The following PTOV1 variants were observed in gnomAD, a reference collection of about 807,000 sequenced individuals.
PTOV1 encodes PTOV1 extended AT-hook containing adaptor protein, also known as prostate tumor-overexpressed gene 1 protein.
In PTOV1, 20 loss-of-function variants were observed where a neutral mutation model predicts 58.0. That is an observed-to-expected ratio of 0.34 (90% CI 0.24 to 0.50). The LOEUF (loss-of-function observed/expected upper bound fraction) is 0.50, where lower values mean the gene tolerates loss of function less well. PTOV1 is among the 20% of genes least tolerant of loss of function. PTOV1 has a pLI of 0.98. For missense variants in PTOV1, 593 were observed against 565.4 expected (o/e 1.05, Z -0.50); for synonymous variants, 335 against 234.2 (o/e 1.43, Z -3.93).
chr19:49,854,930 CAT>C, intron 4 of PTOV1, 38 bp from the exon 5 acceptor site: 2 of 1,603,504 alleles, frequency 1.2e-6, no homozygotes, highest in Admixed American at 1.7e-5. Context: ...TGAGCACCCC[CAT>C]GCCTGGCTGA....
At chr19:49,850,955 G>A (rs554742282), upstream of PTOV1, 42 of 1,535,652 alleles carry the variant, frequency 2.7e-5, no homozygotes, top group South Asian at 4.5e-4. Flanking sequence ...CACCCCATTC[G>A]GTAGGGGCTC....
intron 9 of PTOV1, 138 bp downstream of exon 9, chr19:49,858,252 T>C (rs910417423): frequency 3.1e-5 from 35 of 1,142,480 alleles, no homozygotes; most frequent in Admixed American, 4.7e-5. Flanking sequence ...GCAGGTGTGG[T>C]GGGTAGCTCC....
chr19:49,851,948 C>T (rs926528911), intron 1 of PTOV1: 1 of 974,528 alleles, frequency 1.0e-6, no homozygotes, highest in South Asian at 4.8e-5. Context: ...GCGTTCTCCC[C>T]TGGCGGCCGC....
intron 9 of PTOV1, 174 bp downstream of exon 9, chr19:49,858,288 G>A: frequency 1.1e-6 from 1 of 883,482 alleles, no homozygotes; most frequent in Non-Finnish European, 1.7e-6. Flanking sequence ...AGGGGTCCCA[G>A]GCAGCCAGCT....
intron 1 of PTOV1, chr19:49,853,285 ACT>A (rs1491122091): frequency 2.0e-5 from 3 of 150,950 alleles, no homozygotes; most frequent in Non-Finnish European, 4.4e-5. Flanking sequence ...TTACGGGGAA[ACT>A]CTCGTGGGTT....
chr19:49,853,307 C>T (rs2074328367), intron 1 of PTOV1: 1 of 152,172 alleles, frequency 6.6e-6, no homozygotes, highest in African/African-American at 2.4e-5. Context: ...TTCCTGCTGC[C>T]AGGCTGTTTG....
At chr19:49,858,717 C>G in intron 10 of PTOV1, 64 bp downstream of exon 10, 1 of 1,334,722 alleles carries the variant, frequency 7.5e-7, no homozygotes, top group Non-Finnish European at 1.0e-6. Flanking sequence ...GGACCGCTCA[C>G]GGGGGCGGAC....
exon 10 of PTOV1, chr19:49,858,559 T>C (rs1238943974): frequency 6.2e-7 from 1 of 1,600,632 alleles, no homozygotes; most frequent in South Asian, 1.1e-5. Flanking sequence ...ACCACCCTAG[T>C]GCCGCTGTTC....
rs1167876930 is a variant in PTOV1 at position 49,857,886 on chromosome 19, T to C, written c.805-18T>C. On this transcript the variant is annotated intron_variant, in intron 7 of 11. Transcript: ENST00000391842. Reference sequence around the variant, plus strand: ...GGTCTCCAGCCCTGAGGGCTCCTCTTTGCCTCTCCCCCAAAAGCCCAGGCC... The same window carrying C: ...GGTCTCCAGCCCTGAGGGCTCCTCTCTGCCTCTCCCCCAAAAGCCCAGGCC... The C allele has an allele frequency of 1.2e-6, 2 of 1,613,096 alleles. No individual in the cohort carries two copies. The highest frequency in any genetic ancestry group is 1.1e-5 in the South Asian group (1 of 91,026).
intron 10 of PTOV1, 110 bp downstream of exon 10, chr19:49,858,763 C>T: frequency 1.1e-6 from 1 of 945,674 alleles, no homozygotes; most frequent in South Asian, 1.5e-5. Flanking sequence ...CCCAGACCAG[C>T]TGGGGAGAGA....
In PTOV1 at chr19:49,858,120, G is replaced by C. The variant is rs376581280; in HGVS notation, c.936+6G>C. 1.2e-6 allele frequency: 2 copies of C among 1,612,838 alleles called. No homozygotes were observed. Among genetic ancestry groups the C allele is most frequent in the Admixed American group, 1.7e-5 (1 of 60,004 alleles). On this transcript the variant is annotated splice_donor_region_variant and intron_variant, in intron 9 of 11. Transcript: ENST00000391842. ...TCATCCCGCAGCAGCTGCTGGTGAG[G>C]GGCTGGGGCCGGGTGCTGGAGCCTG...
Position 49,857,734 on chromosome 19 carries a change from C to G in PTOV1, c.756C>G (p.Ile252Met), listed in dbSNP as rs765976938. 5 of 1,614,144 alleles carry G rather than the reference C, an allele frequency of 3.1e-6. No individual in the cohort carries two copies. The East Asian group carries it at 6.7e-5, about 22-fold the overall frequency. The change falls in exon 7 of 12, where the codon ATC becomes ATG. Residue 252 changes from isoleucine to methionine, a missense_variant. Ile to Met is a conservative substitution (Grantham distance 10). Coordinates refer to ENST00000391842, the Ensembl canonical transcript of PTOV1. ...GTGTCAACTCAGGCCCAGTCCAGAT[C>G]GTCAACAACAAGTTTCTGGCATGGA...
exon 9 of PTOV1, chr19:49,858,109 C>T (rs1444912248): frequency 1.2e-6 from 2 of 1,613,354 alleles, no homozygotes; most frequent in Non-Finnish European, 1.7e-6. Flanking sequence ...CCCGCAGCAG[C>T]TGCTGGTGAG....
chr19:49,851,059 C>G (rs1241712536), upstream of PTOV1: 3 of 1,484,540 alleles, frequency 2.0e-6, no homozygotes, highest in Admixed American at 6.5e-5. Flanking sequence ...AGCCCACACT[C>G]CGCTCCCGCC....
rs762977311 is a variant in PTOV1, at chr19:49,860,356, T to G, written c.*77T>G. On this transcript the variant is annotated 3_prime_UTR_variant, in exon 12 of 12. Coordinates refer to ENST00000391842, the Ensembl canonical transcript of PTOV1. ...AGACTGGTGAGTGGTGACCCTGTCA[T>G]GTACAGGAGGGACCCTGGGGCATGT... is the stretch of plus-strand genomic sequence containing the variant. The G allele has an allele frequency of 4.8e-6, 6 of 1,248,190 alleles. No homozygotes were observed. The Admixed American group carries it at 9.1e-5, about 19-fold the overall frequency. The allele number at this position is 1,248,190 out of a possible 1,614,324, so 77.3% of individuals were successfully genotyped here.
At position 49,858,536 on chromosome 19, in the gene PTOV1, C is replaced by A; in HGVS notation, c.937-13C>A. The A allele has an allele frequency of 6.3e-7, 1 of 1,576,722 alleles. No individual in the cohort carries two copies. The highest frequency in any genetic ancestry group is 8.6e-7 in the Non-Finnish European group (1 of 1,159,158). ...GAGAAGCCAGAGCTGGGGGTCCCCT[C>A]GCTTCCCCGCAGACCACCCTAGTGC... On this transcript the variant is annotated splice_polypyrimidine_tract_variant and intron_variant, in intron 9 of 11. Transcript: ENST00000391842.
chr19:49,851,443 G>A, exon 1 of PTOV1: 1 of 1,219,700 alleles, frequency 8.2e-7, no homozygotes, highest in African/African-American at 1.6e-5. Flanking sequence ...CTCCTGGCCT[G>A]CCAGCCCCCG....
At chr19:49,853,848 C>T (rs1309665995) in intron 1 of PTOV1, among the ~76,000 whole-genome samples, 1 of 152,164 alleles carries the variant, frequency 6.6e-6, no homozygotes, top group Admixed American at 6.5e-5. Context: ...TCCTGCCTCC[C>T]CCCGGGGTCA....
intron 1 of PTOV1, chr19:49,851,718 G>A: frequency 8.9e-7 from 1 of 1,125,866 alleles, no homozygotes; most frequent in Non-Finnish European, 1.1e-6. Flanking sequence ...GGGGTTGGGG[G>A]ACGGGGGCGG....
Sources: allele counts gnomAD v4.1 joint callset (sites outside exome capture counted in the v4.1 genomes callset), GRCh38; gene constraint gnomAD v4.1.1; transcripts MANE v1.5; gene names NCBI Gene and HGNC (gene_info 2026-07-23, HGNC 2026-07-21).